Variants in VRK3 observed in about 807,000 individuals in gnomAD.
The protein encoded by VRK3 is serine/threonine-protein kinase VRK3.
Under a neutral mutation model 60.4 loss-of-function variants are expected in VRK3, and 50 were observed. The observed-to-expected ratio is 0.83, with a 90% CI of 0.66 to 1.05. VRK3 has a LOEUF of 1.05. Among genes scored for constraint, VRK3 ranks in the 50% least tolerant of loss-of-function variants. VRK3 has a pLI of 0.00. For missense variants in VRK3, 549 were observed against 585.3 expected (o/e 0.94, Z 0.64); for synonymous variants, 246 against 227.8 (o/e 1.08, Z -0.72).
chr19:49,977,022 A>G (rs925397453), intron 14 of VRK3, among the ~76,000 whole-genome samples: 16 of 152,210 alleles, frequency 1.1e-4, no homozygotes, highest in African/African-American at 3.9e-4. Context: ...CTGTGTGGAA[A>G]ACAGGTGACA....
chr19:49,995,047 C>T, intron 8 of VRK3, 128 bp from the exon 9 acceptor site: 1 of 1,267,402 alleles, frequency 7.9e-7, no homozygotes, highest in Non-Finnish European at 1.1e-6. Context: ...TTCTGACTGG[C>T]TGGGCAGCAA....
chr19:50,022,080 A>G (rs1477044874), intron 1 of VRK3, among the ~76,000 whole-genome samples: 2 of 152,188 alleles, frequency 1.3e-5, no homozygotes, highest in East Asian at 3.9e-4. Context: ...TCAAAGGGTG[A>G]CAATTCTCCT....
chr19:49,984,093 G>C (rs1477818525), intron 12 of VRK3, among the ~76,000 whole-genome samples: 1 of 152,174 alleles, frequency 6.6e-6, no homozygotes, highest in Non-Finnish European at 1.5e-5. Flanking sequence ...CATTCAACAA[G>C]TCTCTTTAGA....
chr19:50,007,555 T>G lies in VRK3; in HGVS notation c.547+14A>C. On this transcript the variant is annotated intron_variant, in intron 5 of 14. Transcript: ENST00000316763. ...AGACGACCCAGTCCCTGGCCGCCCA[T>G]GGACAGAGTGTACCTTCATAGAGAA... 3 of 1,613,306 alleles carry G rather than the reference T, an allele frequency of 1.9e-6. No individual in the cohort carries two copies. The highest frequency in any genetic ancestry group is 2.5e-6 in the Non-Finnish European group (3 of 1,179,246).
chr19:50,003,927 C>A (rs2076851451), intron 5 of VRK3, among the ~76,000 whole-genome samples: 1 of 152,216 alleles, frequency 6.6e-6, no homozygotes, highest in Non-Finnish European at 1.5e-5. Context: ...AGCAACCGGG[C>A]ACAGTGCTCA....
At chr19:50,000,694 C>T (rs2076788737) in intron 6 of VRK3, 96 bp downstream of exon 6, 10 of 1,443,516 alleles carry the variant, frequency 6.9e-6, no homozygotes, top group Admixed American at 2.0e-5. Flanking sequence ...GGCCCCCGGC[C>T]GAGCTCTCCC....
intron 12 of VRK3, chr19:49,986,549 G>A (rs762783639): frequency 4.6e-5 from 7 of 152,788 alleles, no homozygotes; most frequent in African/African-American, 1.7e-4. Context: ...ATACATCTAA[G>A]TGAACACATC....
chr19:49,981,288 T>A, intron 12 of VRK3: 1 of 448,002 alleles, frequency 2.2e-6, no homozygotes. Flanking sequence ...GGCTCACGCC[T>A]GTAATCCCAA....
At chr19:50,008,646 T>A (rs570783027) in intron 4 of VRK3, 185 of 152,978 alleles carry the variant, frequency 1.2e-3, no homozygotes, top group Non-Finnish European at 1.7e-3. Flanking sequence ...GCCCAGAAAG[T>A]GAGGCCGAAA....
chr19:49,997,562 C>T lies in VRK3; in HGVS notation c.621G>A (p.Lys207=), dbSNP rs56346558. ...KQKFSLKLDA[K]DGRLFNEQNF... is the part of the protein sequence containing the mutation. ...TCTGCTCATTGAACAAGCGCCCATC[C>T]TTGGCATCCTGGTGGGGGACAGGAG... Residue 207 remains lysine, a synonymous_variant, in exon 7 of 15, where the codon AAG becomes AAA. Coordinates refer to ENST00000316763, the MANE Select transcript of VRK3 (RefSeq NM_016440.4). 41 of 1,613,880 alleles carry T rather than the reference C, an allele frequency of 2.5e-5. No homozygotes were observed. In the African/African-American group the frequency reaches 4.1e-4, roughly 16 times the overall value.
chr19:49,982,250 A>T, intron 12 of VRK3: 1 of 702,260 alleles, frequency 1.4e-6, no homozygotes, highest in East Asian at 2.7e-5. Context: ...ATGCCTGAAC[A>T]AAGCTGATAA....
At chr19:49,993,198 G>C (rs946962083) in intron 9 of VRK3, among the ~76,000 whole-genome samples, 1 of 152,166 alleles carries the variant, frequency 6.6e-6, no homozygotes, top group Non-Finnish European at 1.5e-5. Context: ...ATCTACTCCT[G>C]TATTTCTCTC....
intron 2 of VRK3, 28 bp from the exon 3 acceptor site, chr19:50,016,191 G>A (rs1340936475): frequency 1.9e-6 from 3 of 1,612,424 alleles, no homozygotes; most frequent in Non-Finnish European, 2.5e-6. Context: ...CAAACACAAA[G>A]TGAAACGGGC....
chr19:50,012,146 T>G (rs528075260), intron 3 of VRK3, among the ~76,000 whole-genome samples: 1 of 152,230 alleles, frequency 6.6e-6, no homozygotes, highest in South Asian at 2.1e-4. Flanking sequence ...TAATTTTGTA[T>G]TTTTAGCAGA....
intron 2 of VRK3, among the ~76,000 whole-genome samples, chr19:50,018,282 C>T (rs1000748229): frequency 1.3e-5 from 2 of 152,212 alleles, no homozygotes; most frequent in East Asian, 1.9e-4. Context: ...CCATATCATG[C>T]CTTGTACCCA....
intron 11 of VRK3, 37 bp downstream of exon 11, chr19:49,989,602 T>C (rs746884105): frequency 1.3e-6 from 2 of 1,573,936 alleles, no homozygotes; most frequent in South Asian, 1.2e-5. Context: ...ATAAGAAGCA[T>C]CTCTCTGCGG....
chr19:50,014,834 A>C (rs1445242375), intron 3 of VRK3, among the ~76,000 whole-genome samples: 1 of 152,142 alleles, frequency 6.6e-6, no homozygotes, highest in Non-Finnish European at 1.5e-5. Context: ...ATGGGCTCTG[A>C]CTGTATTCAC....
intron 4 of VRK3, among the ~76,000 whole-genome samples, chr19:50,008,101 C>T (rs1600705553): frequency 6.6e-6 from 1 of 152,160 alleles, no homozygotes; most frequent in Middle Eastern, 3.4e-3. Flanking sequence ...GCAGTACAGA[C>T]AGATATTAGG....
chr19:50,023,381 C>T (rs2122725361), intron 1 of VRK3, among the ~76,000 whole-genome samples: 1 of 152,310 alleles, frequency 6.6e-6, no homozygotes, highest in African/African-American at 2.4e-5. Context: ...GATGGGGTTT[C>T]ACCATGTTGG....
Sources: allele counts gnomAD v4.1 joint callset (sites outside exome capture counted in the v4.1 genomes callset), GRCh38; gene constraint gnomAD v4.1.1; transcripts MANE v1.5; gene names NCBI Gene and HGNC (gene_info 2026-07-23, HGNC 2026-07-21).